Variants in NCOA2 observed in about 807,000 individuals in gnomAD.
NCOA2 encodes the protein class E basic helix-loop-helix protein 75.
Under a neutral mutation model 145.1 loss-of-function variants are expected in NCOA2, and 21 were observed. The ratio of observed to expected loss-of-function variants is 0.14; its 90% CI spans 0.10 to 0.21. NCOA2 has a LOEUF of 0.21. Among genes scored for constraint, NCOA2 ranks in the 10% least tolerant of loss-of-function variants. The pLI is 1.00. For missense variants in NCOA2, 1,472 were observed against 1,837.6 expected (o/e 0.80, Z 3.64); for synonymous variants, 619 against 637.5 (o/e 0.97, Z 0.44).
At chr8:70,351,234 G>T (rs908871953) in intron 1 of NCOA2, among the ~76,000 whole-genome samples, 2 of 152,086 alleles carry the variant, frequency 1.3e-5, no homozygotes, top group African/African-American at 4.8e-5. Context: ...AACATATACC[G>T]ACAACCTACC....
At chr8:70,355,656 G>A (rs1473259618) in intron 1 of NCOA2, among the ~76,000 whole-genome samples, 2 of 151,162 alleles carry the variant, frequency 1.3e-5, no homozygotes, top group African/African-American at 4.9e-5. Flanking sequence ...TTCTTTCAAT[G>A]TGGGGGAAGC....
chr8:70,402,645 C>T (rs1814418201), intron 1 of NCOA2: 2 of 151,936 alleles, frequency 1.3e-5, no homozygotes, highest in South Asian at 4.1e-4. Context: ...GCGTGACCGT[C>T]GCGAGGCGGC....
At chr8:70,119,310 A>G (rs1338638296) in intron 22 of NCOA2, among the ~76,000 whole-genome samples, 1 of 152,164 alleles carries the variant, frequency 6.6e-6, no homozygotes, top group African/African-American at 2.4e-5. Flanking sequence ...TGCAATAGAT[A>G]TTTGTCTTTT....
chr8:70,378,259 A>G (rs1366048417), intron 1 of NCOA2, among the ~76,000 whole-genome samples: 1 of 152,218 alleles, frequency 6.6e-6, no homozygotes, highest in African/African-American at 2.4e-5. Flanking sequence ...GCCTGGCAAC[A>G]TAGTGAGACC....
At chr8:70,409,161 C>A in the NCOA2 span, among the ~76,000 whole-genome samples, 1 of 152,274 alleles carries the variant, frequency 6.6e-6, no homozygotes, top group East Asian at 1.9e-4. Context: ...TCAATGCAAT[C>A]CCAATCAAAA....
At chr8:70,392,938 T>C (rs1049219593) in intron 1 of NCOA2, among the ~76,000 whole-genome samples, 5 of 152,188 alleles carry the variant, frequency 3.3e-5, no homozygotes, top group African/African-American at 1.2e-4. Flanking sequence ...CCTGTGGTAG[T>C]CCCAGAAAAT....
intron 2 of NCOA2, among the ~76,000 whole-genome samples, chr8:70,219,217 C>T (rs1162235257): frequency 6.6e-6 from 1 of 152,130 alleles, no homozygotes; most frequent in Non-Finnish European, 1.5e-5. Context: ...CTTGTACCTA[C>T]TCAAGGTTGG....
At chr8:70,393,970 C>T (rs1416565999) in intron 1 of NCOA2, among the ~76,000 whole-genome samples, 1 of 152,084 alleles carries the variant, frequency 6.6e-6, no homozygotes, top group African/African-American at 2.4e-5. Flanking sequence ...TTTGGTATTA[C>T]ATGTAATAGC....
At chr8:70,275,836 G>C (rs1472805282) in intron 2 of NCOA2, among the ~76,000 whole-genome samples, 2 of 152,158 alleles carry the variant, frequency 1.3e-5, no homozygotes, top group African/African-American at 4.8e-5. Flanking sequence ...AAAATCTTGT[G>C]TCATAGATAT....
intron 1 of NCOA2, among the ~76,000 whole-genome samples, chr8:70,356,411 T>C (rs1276685332): frequency 4.6e-5 from 7 of 152,198 alleles, no homozygotes; most frequent in South Asian, 2.1e-4. Flanking sequence ...TACAGCAGCA[T>C]AGGCACATAG....
intron 1 of NCOA2, among the ~76,000 whole-genome samples, chr8:70,360,851 T>C (rs566201638): frequency 4.0e-5 from 6 of 151,382 alleles, no homozygotes; most frequent in Admixed American, 2.0e-4. Flanking sequence ...GGCAGAAGAA[T>C]TGCTTGAACC....
chr8:70,186,099 C>T (rs1223033394), intron 4 of NCOA2, among the ~76,000 whole-genome samples: 1 of 152,032 alleles, frequency 6.6e-6, no homozygotes, highest in Non-Finnish European at 1.5e-5. Context: ...TCTCTTTCTC[C>T]AGAGAAACCC....
intron 4 of NCOA2, among the ~76,000 whole-genome samples, chr8:70,190,191 C>A (rs981048960): frequency 9.9e-5 from 15 of 152,102 alleles, no homozygotes; most frequent in Non-Finnish European, 2.1e-4. Flanking sequence ...GGAAATTAGA[C>A]TTACAAATCT....
chr8:70,332,111 A>G (rs1283432908), intron 1 of NCOA2, among the ~76,000 whole-genome samples: 1 of 152,208 alleles, frequency 6.6e-6, no homozygotes, highest in African/African-American at 2.4e-5. Context: ...GTATATAGTA[A>G]ACAGTAACTT....
intron 16 of NCOA2, among the ~76,000 whole-genome samples, chr8:70,131,141 G>C (rs944993103): frequency 9.2e-5 from 14 of 152,216 alleles, no homozygotes; most frequent in Middle Eastern, 3.4e-3. Context: ...AGGAACTGTA[G>C]CTAGGACTAT....
At chr8:70,144,585 A>G in intron 13 of NCOA2, 57 bp downstream of exon 13, 2 of 1,397,498 alleles carry the variant, frequency 1.4e-6, no homozygotes, top group Non-Finnish European at 2.0e-6. Flanking sequence ...ATGTGGATAA[A>G]TATACCATTA....
chr8:70,289,955 C>T lies in NCOA2; in HGVS notation c.-20+6789G>A, dbSNP rs552320885. ...CTCAAGCAATCCTCCTGCCTCAAGG[C>T]TCCTGAGTAGCTGGGACTACAGAAC... On this transcript the variant is annotated intron_variant, in intron 2 of 22. Transcript: ENST00000452400. Among the ~76,000 whole-genome samples the T allele has an allele frequency of 9.2e-5, 14 of 152,214 alleles. No individual in the cohort carries two copies. The East Asian group carries it at 1.9e-3, about 21-fold the overall frequency.
intron 2 of NCOA2, among the ~76,000 whole-genome samples, chr8:70,256,812 CTG>C (rs1823670775): frequency 1.3e-5 from 2 of 152,314 alleles, no homozygotes; most frequent in South Asian, 4.1e-4. Context: ...GTTCCAGAGT[CTG>C]TGCTCTCAAT....
intron 2 of NCOA2, among the ~76,000 whole-genome samples, chr8:70,272,026 A>C (rs1825092312): frequency 6.6e-6 from 1 of 152,210 alleles, no homozygotes; most frequent in African/African-American, 2.4e-5. Context: ...AAGTAAAAGA[A>C]ATATTTTAAA....
Sources: allele counts gnomAD v4.1 joint callset (sites outside exome capture counted in the v4.1 genomes callset), GRCh38; gene constraint gnomAD v4.1.1; transcripts MANE v1.5; gene names NCBI Gene and HGNC (gene_info 2026-07-23, HGNC 2026-07-21).